LHFPL2: variants seen among roughly 807,000 people sequenced by gnomAD.
The protein encoded by LHFPL2 is LHFPL tetraspan subfamily member 2 protein.
LHFPL2 carries 7 observed loss-of-function variants against 17.5 expected under a neutral mutation model. That is an observed-to-expected ratio of 0.40 (90% confidence interval 0.23 to 0.75). LHFPL2 has a LOEUF of 0.75. LHFPL2 is among the 30% of genes least tolerant of loss of function. LHFPL2 has a pLI of 0.37. For missense variants in LHFPL2, 241 were observed against 294.8 expected (o/e 0.82, Z 1.34); for synonymous variants, 134 against 116.2 (o/e 1.15, Z -0.99).
intron 2 of LHFPL2, among the ~76,000 whole-genome samples, chr5:78,627,126 T>C (rs1475295778): frequency 2.0e-5 from 3 of 151,902 alleles, no homozygotes; most frequent in African/African-American, 7.3e-5. Flanking sequence ...AGCAGAAATG[T>C]ATGCAGTAGA....
rs4078799 is a variant in LHFPL2 at position 78,613,330 on chromosome 5, G to A, written c.-245+18934C>T. Among the ~76,000 whole-genome samples the A allele has an allele frequency of 6.6e-3, 1,008 of 152,248 alleles. 11 individuals are homozygous for A. The highest frequency in any genetic ancestry group is 0.022 in the African/African-American group (894 of 41,550). ...CCAGACTTATCCCACATACCTTAGA[G>A]GCAACCAGAAGTGACCAGGCAAGGA... On this transcript the variant is annotated intron_variant, in intron 2 of 4. Coordinates refer to ENST00000380345, the MANE Select transcript of LHFPL2 (RefSeq NM_005779.3).
At chr5:78,548,419 C>T (rs947362805) in intron 3 of LHFPL2, among the ~76,000 whole-genome samples, 2 of 152,188 alleles carry the variant, frequency 1.3e-5, no homozygotes, top group African/African-American at 4.8e-5. Context: ...TCACCAAAGG[C>T]CTGCTGAAAA....
chr5:78,538,852 C>A (rs2112371600), intron 3 of LHFPL2, among the ~76,000 whole-genome samples: 1 of 152,308 alleles, frequency 6.6e-6, no homozygotes, highest in South Asian at 2.1e-4. Context: ...CAGCCACACA[C>A]CACGTATCCT....
At chr5:78,501,441 T>TG (rs1378339435) in intron 4 of LHFPL2, among the ~76,000 whole-genome samples, 1 of 152,120 alleles carries the variant, frequency 6.6e-6, no homozygotes, top group Middle Eastern at 3.4e-3. Context: ...GGGTAAGAGA[T>TG]GGGGGAGTGT....
intron 1 of LHFPL2, chr5:78,644,631 T>C: frequency 2.8e-6 from 1 of 356,024 alleles, no homozygotes; most frequent in Non-Finnish European, 5.4e-6. Flanking sequence ...TTTTCATTTC[T>C]CTTTCATAAT....
At chr5:78,576,197 A>C (rs1757130709) in intron 2 of LHFPL2, among the ~76,000 whole-genome samples, 1 of 151,988 alleles carries the variant, frequency 6.6e-6, no homozygotes, top group African/African-American at 2.4e-5. Flanking sequence ...CCGGAGGCTG[A>C]GGCAGGAGAA....
At chr5:78,489,835 G>T (rs1048277545) in intron 4 of LHFPL2, among the ~76,000 whole-genome samples, 1 of 152,230 alleles carries the variant, frequency 6.6e-6, no homozygotes, top group Non-Finnish European at 1.5e-5. Flanking sequence ...GCCTACGACT[G>T]CTTTGCTATG....
At chr5:78,565,619 T>C (rs1047452597) in intron 2 of LHFPL2, among the ~76,000 whole-genome samples, 3 of 152,226 alleles carry the variant, frequency 2.0e-5, no homozygotes, top group African/African-American at 7.2e-5. Context: ...AATTACCATT[T>C]GTTGAAAATC....
intron 2 of LHFPL2, among the ~76,000 whole-genome samples, chr5:78,614,878 A>G (rs1261587589): frequency 1.3e-5 from 2 of 152,262 alleles, no homozygotes; most frequent in African/African-American, 4.8e-5. Context: ...GAACTGAAGC[A>G]AAGAAACTTC....
intron 3 of LHFPL2, among the ~76,000 whole-genome samples, chr5:78,558,369 A>G (rs537387770): frequency 8.5e-5 from 13 of 152,344 alleles, no homozygotes; most frequent in Admixed American, 2.0e-4. Flanking sequence ...TTGTTAAAAT[A>G]AAAAAGCTTT....
At chr5:78,560,943 T>G (rs960746363) in intron 3 of LHFPL2, among the ~76,000 whole-genome samples, 3 of 152,190 alleles carry the variant, frequency 2.0e-5, no homozygotes, top group African/African-American at 7.2e-5. Context: ...TAATTAAAAT[T>G]TTTAGTAGCA....
At chr5:78,641,527 G>C (rs1745660428) in intron 1 of LHFPL2, among the ~76,000 whole-genome samples, 1 of 152,084 alleles carries the variant, frequency 6.6e-6, no homozygotes, top group Non-Finnish European at 1.5e-5. Flanking sequence ...AAGTTAGTTT[G>C]ACTGAACTTC....
chr5:78,586,722 G>C (rs1743418967), intron 2 of LHFPL2, among the ~76,000 whole-genome samples: 1 of 151,830 alleles, frequency 6.6e-6, no homozygotes, highest in Non-Finnish European at 1.5e-5. Context: ...GGTTTTTATA[G>C]GGGGGAAAAA....
Position 78,510,065 on chromosome 5 carries a change from C to A in LHFPL2, c.149G>T (p.Gly50Val). 6.2e-7 allele frequency: 1 copy of A among 1,610,690 alleles called. No homozygotes were observed. The highest frequency in any genetic ancestry group is 8.5e-7 in the Non-Finnish European group (1 of 1,178,502). ...GTGGTAGGGCTCCGGGGAGCCCCCGCCCGGGCCCGCCGGCTCCACGCCGCC... is the reference window on the plus strand; with the variant it reads ...GTGGTAGGGCTCCGGGGAGCCCCCGACCGGGCCCGCCGGCTCCACGCCGCC... ...SRGGVEPAGP[G>V]GGSPEPYHPT... Residue 50 changes from glycine (G) to valine (V), a missense_variant, in exon 4 of 5, where the codon GGC (glycine) becomes GTC (valine). Gly to Val is a moderately radical substitution (Grantham distance 109, BLOSUM62 -3). Coordinates refer to ENST00000380345, the MANE Select transcript of LHFPL2 (RefSeq NM_005779.3).
intron 4 of LHFPL2, among the ~76,000 whole-genome samples, chr5:78,502,711 A>C (rs1277922671): frequency 5.7e-5 from 3 of 52,606 alleles, no homozygotes; most frequent in Non-Finnish European, 1.2e-4. Flanking sequence ...AAACATAGTT[A>C]CTAAAGCTAT....
chr5:78,522,153 A>T (rs766295576), intron 3 of LHFPL2, among the ~76,000 whole-genome samples: 11 of 152,232 alleles, frequency 7.2e-5, no homozygotes, highest in Non-Finnish European at 1.2e-4. Context: ...CTTAAAAAGG[A>T]GTCACATTGG....
In LHFPL2 at chr5:78,536,341, T is replaced by C. The variant is rs148372711; in HGVS notation, c.-185-25943A>G. On this transcript the variant is annotated intron_variant, in intron 3 of 4. Transcript: ENST00000380345. Reference sequence around the variant, plus strand: ...TCCAGAGGAAAGCCCTCCAAGAAAATAGGCGAGTGTCACTTACTCTTTGCC... The same window carrying C: ...TCCAGAGGAAAGCCCTCCAAGAAAACAGGCGAGTGTCACTTACTCTTTGCC... Among the ~76,000 whole-genome samples the C allele has an allele frequency of 6.2e-3, 950 of 152,130 alleles. 8 individuals are homozygous for C. The highest frequency in any genetic ancestry group is 0.021 in the African/African-American group (890 of 41,482).
At chr5:78,570,952 C>T (rs892143748) in intron 2 of LHFPL2, among the ~76,000 whole-genome samples, 5 of 151,946 alleles carry the variant, frequency 3.3e-5, no homozygotes, top group African/African-American at 1.2e-4. Context: ...TAATAACAGA[C>T]CAATGTTTCT....
intron 3 of LHFPL2, among the ~76,000 whole-genome samples, chr5:78,521,385 T>C (rs1448779615): frequency 6.6e-6 from 1 of 152,258 alleles, no homozygotes; most frequent in Non-Finnish European, 1.5e-5. Flanking sequence ...CTTGTTTTGT[T>C]ATCAACTAAA....
Sources: allele counts gnomAD v4.1 joint callset (sites outside exome capture counted in the v4.1 genomes callset), GRCh38; gene constraint gnomAD v4.1.1; transcripts MANE v1.5; gene names NCBI Gene and HGNC (gene_info 2026-07-23, HGNC 2026-07-21).